The following OSTN variants were observed in gnomAD, a reference collection of about 807,000 sequenced individuals.
OSTN encodes osteocrin.
A neutral mutation model predicts 12.0 loss-of-function variants in OSTN; 9 were observed. That is an observed-to-expected ratio of 0.75 (90% confidence interval 0.45 to 1.30). OSTN has a LOEUF of 1.30. Ranked by LOEUF, OSTN falls within the 50% of genes most tolerant of loss-of-function variation. The pLI is 0.00. For synonymous variants in OSTN, 59 were observed against 56.9 expected (o/e 1.04, Z -0.16); for missense variants, 148 against 152.3 (o/e 0.97, Z 0.15).
chr3:191,225,297 T>C (rs1466808277), intron 3 of OSTN, among the ~76,000 whole-genome samples: 1 of 152,134 alleles, frequency 6.6e-6, no homozygotes, highest in Non-Finnish European at 1.5e-5. Context: ...TTCTTTAAAG[T>C]TTATTTATTA....
intron 3 of OSTN, among the ~76,000 whole-genome samples, chr3:191,242,032 T>A (rs1576935718): frequency 6.6e-6 from 1 of 150,832 alleles, no homozygotes; most frequent in Non-Finnish European, 1.5e-5. Context: ...ATTATCATGT[T>A]GTTTATCACA....
chr3:191,233,048 A>G (rs146463623), intron 3 of OSTN, among the ~76,000 whole-genome samples: 2 of 152,326 alleles, frequency 1.3e-5, no homozygotes, highest in East Asian at 3.9e-4. Flanking sequence ...GGTACAAAAC[A>G]TATTATTTAA....
chr3:191,226,343 T>C (rs1282918925), intron 3 of OSTN, among the ~76,000 whole-genome samples: 1 of 152,180 alleles, frequency 6.6e-6, no homozygotes, highest in Non-Finnish European at 1.5e-5. Context: ...TAATATTTAT[T>C]AATGTCTAAG....
At chr3:191,241,054 C>G (rs1223599986) in intron 3 of OSTN, among the ~76,000 whole-genome samples, 3 of 151,960 alleles carry the variant, frequency 2.0e-5, no homozygotes, top group Admixed American at 2.0e-4. Context: ...AATTAACTTC[C>G]CTGTTTTACT....
In OSTN at chr3:191,263,810, A is replaced by G. The variant is rs1715862034; in HGVS notation, c.*957A>G. 1.3e-5 allele frequency: 2 copies of G among 152,188 alleles called. No individual in the cohort carries two copies. Among genetic ancestry groups the G allele is most frequent in the African/African-American group, 4.8e-5 (2 of 41,452 alleles). 9.4% of individuals were successfully genotyped at this position (152,188 alleles called of 1,614,324 possible). On this transcript the variant is annotated 3_prime_UTR_variant, in exon 5 of 5. Coordinates refer to ENST00000682035, the MANE Select transcript of OSTN (RefSeq NM_198184.2). ...TGATTTTGAGAATGATTTCTTAAAAATCATTCAGATTATTTTTGAATGACT... is the reference window on the plus strand; with the variant it reads ...TGATTTTGAGAATGATTTCTTAAAAGTCATTCAGATTATTTTTGAATGACT...
At chr3:191,256,440 A>C (rs1715672473) in intron 4 of OSTN, among the ~76,000 whole-genome samples, 1 of 152,172 alleles carries the variant, frequency 6.6e-6, no homozygotes, top group Non-Finnish European at 1.5e-5. Flanking sequence ...CAAACATCAA[A>C]AGTTTAAAAT....
chr3:191,242,530 T>C (rs1041694157), intron 3 of OSTN, among the ~76,000 whole-genome samples: 9 of 152,152 alleles, frequency 5.9e-5, no homozygotes, highest in African/African-American at 2.2e-4. Context: ...CATGATTTTT[T>C]ACTCACCCCA....
intron 3 of OSTN, among the ~76,000 whole-genome samples, chr3:191,220,206 G>A (rs1175985837): frequency 2.0e-5 from 3 of 151,968 alleles, no homozygotes; most frequent in African/African-American, 4.8e-5. Context: ...GATACTTGTC[G>A]CAATTTGCTA....
intron 3 of OSTN, among the ~76,000 whole-genome samples, chr3:191,249,091 A>G (rs1407963665): frequency 6.6e-6 from 1 of 152,176 alleles, no homozygotes; most frequent in Non-Finnish European, 1.5e-5. Flanking sequence ...TCTTTTCTGC[A>G]TGTATATTTT....
At chr3:191,218,257 C>T (rs1166304093) in intron 2 of OSTN, among the ~76,000 whole-genome samples, 3 of 151,914 alleles carry the variant, frequency 2.0e-5, no homozygotes, top group African/African-American at 7.3e-5. Context: ...TATTTTTTCC[C>T]TTCGTTATAC....
At position 191,263,680 on chromosome 3, in the gene OSTN, T is replaced by C. The variant is rs1715859552; in HGVS notation, c.*827T>C. On this transcript the variant is annotated 3_prime_UTR_variant, in exon 5 of 5. Coordinates refer to ENST00000682035, the MANE Select transcript of OSTN (RefSeq NM_198184.2). ...TTCAGCATAGTACAATGTGATCTTT[T>C]TGATATCTTGGATTAATCTAAGAAA... is the stretch of plus-strand genomic sequence containing the variant. The C allele has an allele frequency of 6.6e-6, 1 of 152,154 alleles. No homozygotes were observed. Among genetic ancestry groups the C allele is most frequent in the African/African-American group, 2.4e-5 (1 of 41,454 alleles). 9.4% of individuals were successfully genotyped at this position (152,154 alleles called of 1,614,324 possible).
At chr3:191,206,729 G>T (rs1422244830) in intron 1 of OSTN, among the ~76,000 whole-genome samples, 1 of 152,214 alleles carries the variant, frequency 6.6e-6, no homozygotes. Context: ...CAGAGGCAAT[G>T]AAGAGCCTGA....
At chr3:191,242,919 T>C (rs1361421517) in intron 3 of OSTN, among the ~76,000 whole-genome samples, 1 of 151,706 alleles carries the variant, frequency 6.6e-6, no homozygotes, top group East Asian at 1.9e-4. Context: ...ACTCTCAAAG[T>C]CTAATATTCA....
chr3:191,259,392 A>T (rs530340061), intron 4 of OSTN, among the ~76,000 whole-genome samples: 1 of 150,942 alleles, frequency 6.6e-6, no homozygotes, highest in South Asian at 2.1e-4. Context: ...TAGTAGAGAC[A>T]GGGTTTCACC....
intron 4 of OSTN, among the ~76,000 whole-genome samples, chr3:191,261,731 G>T (rs1303048628): frequency 6.6e-6 from 1 of 152,156 alleles, no homozygotes; most frequent in Non-Finnish European, 1.5e-5. Flanking sequence ...ACGATAATTT[G>T]CTATTTATGC....
intron 3 of OSTN, 78 bp downstream of exon 3, chr3:191,219,039 T>A: frequency 7.7e-7 from 1 of 1,291,588 alleles, no homozygotes. Context: ...GAATTCCACA[T>A]GAAAAATACA....
At chr3:191,261,584 C>A (rs756367035) in intron 4 of OSTN, among the ~76,000 whole-genome samples, 3 of 152,086 alleles carry the variant, frequency 2.0e-5, no homozygotes, top group Non-Finnish European at 4.4e-5. Flanking sequence ...GAATGCAAAT[C>A]CCCCCACAAA....
In OSTN at chr3:191,263,592, C is replaced by A. The variant is rs1254201557; in HGVS notation, c.*739C>A. 6.6e-6 allele frequency: 1 copy of A among 152,106 alleles called. No homozygotes were observed. The highest frequency in any genetic ancestry group is 2.4e-5 in the African/African-American group (1 of 41,408). The allele number at this position is 152,106 out of a possible 1,614,324, so 9.4% of individuals were successfully genotyped here. On this transcript the variant is annotated 3_prime_UTR_variant, in exon 5 of 5. Transcript: ENST00000682035. ...GTAAAAATGAAAGTAGGAGGGAAGTCAAAGAATTACCACCAGAACAGGTTA... is the reference window on the plus strand; with the variant it reads ...GTAAAAATGAAAGTAGGAGGGAAGTAAAAGAATTACCACCAGAACAGGTTA...
intron 3 of OSTN, among the ~76,000 whole-genome samples, chr3:191,235,327 T>C (rs905118813): frequency 2.0e-5 from 3 of 152,212 alleles, no homozygotes; most frequent in African/African-American, 7.2e-5. Context: ...CTCTTTTCCC[T>C]AGCTTGGACC....
Sources: allele counts gnomAD v4.1 joint callset (sites outside exome capture counted in the v4.1 genomes callset), GRCh38; gene constraint gnomAD v4.1.1; transcripts MANE v1.5; gene names NCBI Gene and HGNC (gene_info 2026-07-23, HGNC 2026-07-21).